Variants in DAB2IP observed in about 807,000 individuals in gnomAD.
The protein encoded by DAB2IP is DAB2 interacting protein.
In DAB2IP, 28 loss-of-function variants were observed where a neutral mutation model predicts 107.2. That is an observed-to-expected ratio of 0.26 (90% CI 0.19 to 0.36). The LOEUF (loss-of-function observed/expected upper bound fraction) is 0.36, where lower values mean the gene tolerates loss of function less well. DAB2IP is among the 10% of genes least tolerant of loss of function. DAB2IP has a pLI of 1.00. For missense variants in DAB2IP, 1,400 were observed against 1,644.7 expected (o/e 0.85, Z 2.57); for synonymous variants, 755 against 706.4 (o/e 1.07, Z -1.09).
rs547941419 is a variant in DAB2IP, at chr9:121,622,000, T to G, written c.40+54772T>G. Among the ~76,000 whole-genome samples the G allele has an allele frequency of 8.6e-4, 120 of 140,342 alleles. 1 individual carries two copies. Among genetic ancestry groups the G allele is most frequent in the Non-Finnish European group, 1.5e-3 (98 of 64,152 alleles). The allele number at this position is 140,342 out of a possible 152,430, so 92.1% of individuals were successfully genotyped here. On this transcript the variant is annotated intron_variant, in intron 1 of 16. Coordinates refer to the DAB2IP transcript ENST00000259371. ...TTTTTCTTTCTTTTTTTTTTTTTTTTTTTTTTGAGATGGAGTCTCGCTCTG... is the reference window on the plus strand; with the variant it reads ...TTTTTCTTTCTTTTTTTTTTTTTTTGTTTTTTGAGATGGAGTCTCGCTCTG...
In DAB2IP at chr9:121,699,454, G is replaced by A. The variant is rs777196832; in HGVS notation, c.358G>A (p.Glu120Lys). The A allele has an allele frequency of 1.4e-6, 2 of 1,408,274 alleles. No individual in the cohort carries two copies. The highest frequency in any genetic ancestry group is 1.9e-6 in the Non-Finnish European group (2 of 1,067,176). 87.2% of individuals were successfully genotyped at this position (1,408,274 alleles called of 1,614,324 possible). A position where few individuals can be genotyped will look rare whatever the true frequency, so the allele number is the denominator to read the frequency against. ...CGCCGCCGCCGCCGCCGCGGACAAT[G>A]AGAGGTGAGCCCGCCGCCGCCGCCC... Residue 120 changes from glutamate to lysine, a missense_variant, in exon 3 of 16, where the codon GAG (glutamate) becomes AAG (lysine). Glu to Lys is a moderately conservative substitution (Grantham distance 56). Around this residue, in one of 3 missense-constraint regions of DAB2IP, gnomAD observed 283 missense variants for 237.0 expected, o/e 1.19. Transcript: ENST00000408936. The surrounding 1 kb of genome is among the most constrained non-coding windows in gnomAD (Gnocchi z 6.2).
At chr9:121,712,987 C>T (rs1830411074) in intron 3 of DAB2IP, among the ~76,000 whole-genome samples, 1 of 152,218 alleles carries the variant, frequency 6.6e-6, no homozygotes. Flanking sequence ...CTCTTTCCAC[C>T]TGGAGCGGCC....
intron 3 of DAB2IP, among the ~76,000 whole-genome samples, chr9:121,728,593 TACCC>T (rs144726661): frequency 0.073 from 11,142 of 152,190 alleles, 509 homozygotes; most frequent in Non-Finnish European, 0.11. Context: ...CAAGAATACA[TACCC>T]AACCCTCCAG....
chr9:121,782,541 A>G lies in DAB2IP; in HGVS notation c.*43A>G, dbSNP rs780456606. 10 of 1,600,766 alleles carry G rather than the reference A, an allele frequency of 6.2e-6. No homozygotes were observed. The East Asian group carries it at 1.3e-4, about 22-fold the overall frequency. On this transcript the variant is annotated 3_prime_UTR_variant, in exon 16 of 16. Transcript: ENST00000408936. This position sits in a 1 kb window ranked among gnomAD's most constrained non-coding sequence, Gnocchi z 6.1. The stretch of plus-strand genomic sequence containing the variant: ...GAAGCTACCCAAGGAGAGGGGGACT[A>G]TGGTGGCCAAGGGCAGGGTCTCGGC...
At chr9:121,597,701 ATAAAACTGAGGCAGAAGG>A (rs1830559324) in intron 1 of DAB2IP, among the ~76,000 whole-genome samples, 4 of 152,212 alleles carry the variant, frequency 2.6e-5, no homozygotes, top group Admixed American at 2.6e-4. Flanking sequence ...TTTGCAGAAG[ATAAAACTGAGGCAGAAGG>A]TAAAACTGAG....
At chr9:121,595,418 C>A (rs1486928558) in intron 1 of DAB2IP, among the ~76,000 whole-genome samples, 1 of 144,546 alleles carries the variant, frequency 6.9e-6, no homozygotes, top group African/African-American at 2.5e-5. Context: ...CATAGTGAGA[C>A]CTTATCTCTA....
chr9:121,642,035 CTTT>C (rs1832362163), intron 1 of DAB2IP, among the ~76,000 whole-genome samples: 1 of 38,044 alleles, frequency 2.6e-5, no homozygotes, highest in South Asian at 1.5e-3. Context: ...CTCTCTCTTT[CTTT>C]CTTTCTTTCT....
intron 1 of DAB2IP, among the ~76,000 whole-genome samples, chr9:121,654,619 C>T (rs988713085): frequency 6.6e-6 from 1 of 152,146 alleles, no homozygotes; most frequent in African/African-American, 2.4e-5. Flanking sequence ...TGACTCTACC[C>T]CAGAGCCACA....
chr9:121,592,503 G>T (rs1830437640), intron 1 of DAB2IP, among the ~76,000 whole-genome samples: 1 of 152,242 alleles, frequency 6.6e-6, no homozygotes, highest in South Asian at 2.1e-4. Context: ...TGTCCAGAGA[G>T]ATCTGAACCA....
chr9:121,763,903 C>G (rs781024010), intron 8 of DAB2IP, 24 bp downstream of exon 8: 3 of 1,609,956 alleles, frequency 1.9e-6, no homozygotes, highest in Non-Finnish European at 2.5e-6. Flanking sequence ...CCAGGTCTCC[C>G]CACCCTGTCG....
At chr9:121,707,524 C>T (rs921057578) in intron 3 of DAB2IP, among the ~76,000 whole-genome samples, 1 of 152,202 alleles carries the variant, frequency 6.6e-6, no homozygotes, top group African/African-American at 2.4e-5. Flanking sequence ...TGCCTGTCGC[C>T]CTAACTTTTC....
chr9:121,705,788 C>G (rs1589551540), intron 3 of DAB2IP, among the ~76,000 whole-genome samples: 1 of 152,238 alleles, frequency 6.6e-6, no homozygotes, highest in South Asian at 2.1e-4. Flanking sequence ...TGCCATGGGA[C>G]TGCTTTCATT....
intron 1 of DAB2IP, among the ~76,000 whole-genome samples, chr9:121,660,672 C>T (rs528517212): frequency 3.9e-5 from 6 of 152,118 alleles, no homozygotes; most frequent in African/African-American, 1.4e-4. Flanking sequence ...GGCATTGCAG[C>T]GAGTTTCCCA....
chr9:121,643,735 C>G (rs1832439726), intron 1 of DAB2IP, among the ~76,000 whole-genome samples: 3 of 150,226 alleles, frequency 2.0e-5, no homozygotes, highest in African/African-American at 7.3e-5. Context: ...AGTGCTGACT[C>G]CAGGTCAGAT....
At chr9:121,578,280 C>T (rs764106876) in intron 1 of DAB2IP, among the ~76,000 whole-genome samples, 3 of 151,984 alleles carry the variant, frequency 2.0e-5, no homozygotes, top group African/African-American at 4.8e-5. Context: ...GTCCTTCTGT[C>T]TCAGTCATCT....
chr9:121,771,070 T>C (rs551658326), intron 11 of DAB2IP, among the ~76,000 whole-genome samples: 2 of 152,290 alleles, frequency 1.3e-5, no homozygotes, highest in East Asian at 3.9e-4. Flanking sequence ...TCCCCTGATA[T>C]TTGTTAAAAA....
At chr9:121,622,919 C>A (rs1282371320) in intron 1 of DAB2IP, among the ~76,000 whole-genome samples, 1 of 152,092 alleles carries the variant, frequency 6.6e-6, no homozygotes, top group Admixed American at 6.5e-5. Context: ...CTTTGACTTA[C>A]TTTGATTCCC....
chr9:121,689,826 G>A (rs546751083), intron 2 of DAB2IP, among the ~76,000 whole-genome samples: 1 of 152,358 alleles, frequency 6.6e-6, no homozygotes, highest in East Asian at 1.9e-4. Context: ...AGAATTCAGA[G>A]ATCAGCTAGA....
intron 14 of DAB2IP, among the ~76,000 whole-genome samples, chr9:121,779,000 G>A (rs990307044): frequency 6.6e-6 from 1 of 151,980 alleles, no homozygotes; most frequent in African/African-American, 2.4e-5. Flanking sequence ...TTCTTTCTCT[G>A]GGATTCCTAG....
Sources: gnomAD v4.1 joint callset for allele counts (sites outside exome capture counted in the v4.1 genomes callset) on GRCh38, gnomAD v4.1.1 for gene constraint, gnomAD v4.1.1 regional missense constraint, Gnocchi (gnomAD v3.1) non-coding constraint, MANE v1.5 for transcripts, NCBI Gene and HGNC (gene_info 2026-07-23, HGNC 2026-07-21) for gene names.